MCPH1: variants seen among roughly 807,000 people sequenced by gnomAD.
MCPH1 encodes the protein microcephalin 1.
In MCPH1, 104 loss-of-function variants were observed where a neutral mutation model predicts 84.5. The ratio of observed to expected loss-of-function variants is 1.23; its 90% CI spans 1.05 to 1.45. MCPH1 has a LOEUF of 1.45. MCPH1 is among the 40% of genes most tolerant of loss of function. The probability of loss-of-function intolerance (pLI) is 0.00; values close to 1 mark genes in which losing one functional copy is unlikely to be tolerated. For missense variants in MCPH1, 1,498 were observed against 1,005.7 expected (o/e 1.49, Z -6.62); for synonymous variants, 514 against 366.8 (o/e 1.40, Z -4.58).
In MCPH1 at chr8:6,593,348, G is replaced by T. The variant is rs115391002; in HGVS notation, c.2215-28106G>T. ...TCCGCCCACCTCGGCCTCCCAACCT[G>T]CTGGGAATATAGGCATAAGCCACCA... On this transcript the variant is annotated intron_variant, in intron 12 of 13. Coordinates refer to ENST00000344683, the MANE Select transcript of MCPH1 (RefSeq NM_024596.5). 7.8e-3 allele frequency among the ~76,000 whole-genome samples: 1,177 copies of T among 151,578 alleles called. 13 individuals are homozygous for T. Among genetic ancestry groups the T allele is most frequent in the African/African-American group, 0.027 (1,125 of 41,268 alleles).
At chr8:6,560,460 C>T in intron 12 of MCPH1, among the ~76,000 whole-genome samples, 1 of 152,278 alleles carries the variant, frequency 6.6e-6, no homozygotes, top group Non-Finnish European at 1.5e-5. Context: ...CATTTAATCA[C>T]TTTAAGTGGG....
At chr8:6,500,284 T>G (rs1486712421) in intron 12 of MCPH1, 1 of 224,276 alleles carries the variant, frequency 4.5e-6, no homozygotes, top group Non-Finnish European at 9.0e-6. Context: ...GGTATAAAGA[T>G]TATGGCTTGC....
chr8:6,641,128 TGTC>T (rs1797909593), intron 13 of MCPH1, among the ~76,000 whole-genome samples: 2 of 152,336 alleles, frequency 1.3e-5, no homozygotes, highest in East Asian at 3.9e-4. Context: ...AGAATAAACA[TGTC>T]GTTTTCTTTT....
chr8:6,547,426 C>T (rs17553089), intron 12 of MCPH1, among the ~76,000 whole-genome samples: 17,388 of 152,142 alleles, frequency 0.11, 1,241 homozygotes, highest in South Asian at 0.23. Flanking sequence ...CCCTTTCACT[C>T]CACTGCCATA....
chr8:6,431,831 T>A (rs1263973316), intron 4 of MCPH1, among the ~76,000 whole-genome samples: 7 of 152,154 alleles, frequency 4.6e-5, no homozygotes, highest in East Asian at 3.8e-4. Context: ...GACTAAAAGG[T>A]GCCAAGAGAC....
intron 12 of MCPH1, among the ~76,000 whole-genome samples, chr8:6,612,046 C>A (rs1830326375): frequency 1.3e-5 from 2 of 152,170 alleles, no homozygotes; most frequent in South Asian, 4.1e-4. Flanking sequence ...GGGCACGTTC[C>A]TCTGGCACTC....
intron 9 of MCPH1, among the ~76,000 whole-genome samples, chr8:6,456,445 G>T (rs3020276): frequency 0.14 from 20,689 of 152,120 alleles, 3,913 homozygotes; most frequent in African/African-American, 0.43. Context: ...CTACATGGCC[G>T]CTTGACCTAG....
intron 11 of MCPH1, among the ~76,000 whole-genome samples, chr8:6,484,634 T>G (rs1198674121): frequency 6.6e-6 from 1 of 152,200 alleles, no homozygotes; most frequent in Non-Finnish European, 1.5e-5. Flanking sequence ...GTCCCTCCAG[T>G]GGGTGAATGG....
At chr8:6,441,708 G>C (rs186533599) in intron 6 of MCPH1, among the ~76,000 whole-genome samples, 2 of 152,156 alleles carry the variant, frequency 1.3e-5, no homozygotes, top group African/African-American at 4.8e-5. Context: ...TGTACCTACT[G>C]CTCTCCCTCA....
intron 3 of MCPH1, among the ~76,000 whole-genome samples, chr8:6,426,319 C>T (rs1335946310): frequency 2.0e-5 from 3 of 152,192 alleles, no homozygotes; most frequent in Non-Finnish European, 2.9e-5. Flanking sequence ...CCAAAATCTC[C>T]TTCGTGTCCA....
intron 13 of MCPH1, chr8:6,625,487 A>G: frequency 4.1e-6 from 4 of 985,200 alleles, no homozygotes; most frequent in Non-Finnish European, 4.8e-6. Context: ...AACTAGGAAT[A>G]TATCAAACCA....
intron 12 of MCPH1, among the ~76,000 whole-genome samples, chr8:6,614,749 C>A (rs13249218): frequency 6.6e-6 from 1 of 152,222 alleles, no homozygotes; most frequent in African/African-American, 2.4e-5. Context: ...CTTTCTTACA[C>A]ATGCCTGTGT....
rs1811840816 is a variant in MCPH1, at chr8:6,500,015, T to C, written c.2214+86T>C. 8.6e-6 allele frequency: 10 copies of C among 1,157,724 alleles called. No homozygotes were observed. The South Asian group carries it at 1.2e-4, about 14-fold the overall frequency. 71.7% of individuals were successfully genotyped at this position (1,157,724 alleles called of 1,614,324 possible). A position where few individuals can be genotyped will look rare whatever the true frequency, so the allele number is the denominator to read the frequency against. On this transcript the variant is annotated intron_variant, in intron 12 of 13. Transcript: ENST00000344683. The stretch of plus-strand genomic sequence containing the variant: ...AAACATAAGGGTGGACTTAAGTTTT[T>C]ATCCAGTCAAGCACAATTATGCCCA...
At position 6,407,779 on chromosome 8, in the gene MCPH1, G is replaced by A. The variant is rs185082683; in HGVS notation, c.22+1090G>A. On this transcript the variant is annotated intron_variant, in intron 1 of 13. Transcript: ENST00000344683. ...GGTTTTGAGAAGAGGATATCCACTAGAACAGGGGTCCACTCACTATGCCCC... is the reference window on the plus strand; with the variant it reads ...GGTTTTGAGAAGAGGATATCCACTAAAACAGGGGTCCACTCACTATGCCCC... 5.3e-5 allele frequency among the ~76,000 whole-genome samples: 8 copies of A among 152,274 alleles called. No homozygotes were observed. The East Asian group carries it at 1.5e-3, about 29-fold the overall frequency.
At chr8:6,479,551 C>G (rs757581187) in intron 10 of MCPH1, among the ~76,000 whole-genome samples, 6 of 151,696 alleles carry the variant, frequency 4.0e-5, no homozygotes, top group Non-Finnish European at 7.4e-5. Context: ...TCTCCTGCGT[C>G]AGCCTCCTGA....
intron 13 of MCPH1, among the ~76,000 whole-genome samples, chr8:6,642,453 G>A (rs904108803): frequency 6.6e-6 from 1 of 152,122 alleles, no homozygotes; most frequent in Non-Finnish European, 1.5e-5. Context: ...TGGGACTTTA[G>A]AGCTTCTTTA....
chr8:6,503,277 A>C, intron 12 of MCPH1: 3 of 1,613,962 alleles, frequency 1.9e-6, no homozygotes, highest in Non-Finnish European at 2.5e-6. Context: ...AAAGTAAAAC[A>C]CAGAAGGAAT....
chr8:6,599,806 C>G (rs1024092281), intron 12 of MCPH1, among the ~76,000 whole-genome samples: 11 of 152,166 alleles, frequency 7.2e-5, no homozygotes, highest in Non-Finnish European at 1.2e-4. Context: ...AATCAGCTAT[C>G]AAGATTAAAT....
At position 6,499,930 on chromosome 8, in the gene MCPH1, G is replaced by A. The variant is rs772838513; in HGVS notation, c.2214+1G>A. ...GTCTCACCACTTCCCTGCAGCTCCC[G>A]TAAGTCAGATGTTGTTTTACGATGG... On this transcript the variant is annotated splice_donor_variant, in intron 12 of 13. Transcript: ENST00000344683. LOFTEE classifies it high-confidence loss of function. The A allele has an allele frequency of 1.9e-5, 30 of 1,612,942 alleles. No individual in the cohort carries two copies. The East Asian group carries it at 2.7e-4, about 14-fold the overall frequency.
Sources: allele counts gnomAD v4.1 joint callset (sites outside exome capture counted in the v4.1 genomes callset), GRCh38; gene constraint gnomAD v4.1.1; transcripts MANE v1.5; gene names NCBI Gene and HGNC (gene_info 2026-07-23, HGNC 2026-07-21).